The following DLG2 variants were observed in gnomAD, a reference collection of about 807,000 sequenced individuals.
DLG2 encodes the protein discs large MAGUK scaffold protein 2, also known as disks large homolog 2.
Under a neutral mutation model 132.5 loss-of-function variants are expected in DLG2, and 45 were observed. That is an observed-to-expected ratio of 0.34 (90% CI 0.27 to 0.44). DLG2 has a LOEUF of 0.44. Ranked by LOEUF, DLG2 falls within the 20% of genes least tolerant of loss-of-function variation. The pLI is 1.00. For synonymous variants in DLG2, 424 were observed against 419.6 expected, an observed-to-expected ratio of 1.01 and a Z score of -0.13; for missense variants, 1,045 against 1,196.9, an observed-to-expected ratio of 0.87 and a Z score of 1.87.
At chr11:84,203,399 A>C (rs770272926) in intron 8 of DLG2, among the ~76,000 whole-genome samples, 1 of 151,928 alleles carries the variant, frequency 6.6e-6, no homozygotes, top group Non-Finnish European at 1.5e-5. Context: ...TGGCTAACAC[A>C]GTGAAACCCC....
In DLG2 at chr11:83,804,458, T is replaced by A. The variant is rs145688769; in HGVS notation, c.1723-17666A>T. On this transcript the variant is annotated intron_variant, in intron 17 of 27. Coordinates refer to ENST00000376104, the MANE Select transcript of DLG2 (RefSeq NM_001142699.3). ...GAAAAATTTCAAATTATAGAAAACT[T>A]GAAGAACATTATAATAAAAACTCAT... 6.1e-3 allele frequency among the ~76,000 whole-genome samples: 930 copies of A among 152,116 alleles called. 8 individuals carry two copies. Among genetic ancestry groups the A allele is most frequent in the Middle Eastern group, 0.02 (6 of 294 alleles).
At chr11:84,331,441 CAAAA>C (rs71465960) in intron 7 of DLG2, among the ~76,000 whole-genome samples, 11 of 119,768 alleles carry the variant, frequency 9.2e-5, no homozygotes, top group South Asian at 2.7e-4. Flanking sequence ...TTACTTATCT[CAAAA>C]AAAAAAAAAA....
intron 4 of DLG2, among the ~76,000 whole-genome samples, chr11:85,264,467 G>T (rs962357099): frequency 6.6e-6 from 1 of 152,132 alleles, no homozygotes; most frequent in Non-Finnish European, 1.5e-5. Context: ...GAACTAAGAT[G>T]GGGTGAAGTC....
In DLG2 at chr11:83,602,169, T is replaced by C. The variant is rs553709810; in HGVS notation, c.1940+31042A>G. On this transcript the variant is annotated intron_variant, in intron 19 of 27. Transcript: ENST00000376104. ...GAAATGAGCGAGTCTTTCTGCTTTC[T>C]GATTTCAATTAATTTTCTTACAAAC... 2.0e-5 allele frequency among the ~76,000 whole-genome samples: 3 copies of C among 152,370 alleles called. No individual in the cohort carries two copies. In the South Asian group the frequency reaches 6.2e-4, roughly 32 times the overall value.
chr11:85,195,967 C>A (rs2152541187), intron 4 of DLG2, among the ~76,000 whole-genome samples: 1 of 152,260 alleles, frequency 6.6e-6, no homozygotes, highest in South Asian at 2.1e-4. Context: ...AAGTATCATT[C>A]ATTATTTTAG....
intron 3 of DLG2, among the ~76,000 whole-genome samples, chr11:85,403,272 CAT>C (rs2088363595): frequency 6.6e-6 from 1 of 152,008 alleles, no homozygotes; most frequent in African/African-American, 2.4e-5. Flanking sequence ...TATTCACACT[CAT>C]AGGTGGAGTT....
intron 10 of DLG2, among the ~76,000 whole-genome samples, chr11:84,092,943 G>A (rs2097114168): frequency 6.6e-6 from 1 of 150,900 alleles, no homozygotes; most frequent in Non-Finnish European, 1.5e-5. Context: ...GGCTGAGGCA[G>A]AAGAATCGCT....
At chr11:84,676,853 G>C (rs1284509384) in intron 6 of DLG2, among the ~76,000 whole-genome samples, 2 of 152,014 alleles carry the variant, frequency 1.3e-5, no homozygotes, top group African/African-American at 4.8e-5. Context: ...GATACTTGAA[G>C]TGTAGGAGTA....
chr11:84,063,766 T>C (rs545107666), intron 10 of DLG2, among the ~76,000 whole-genome samples: 137 of 152,238 alleles, frequency 9.0e-4, no homozygotes, highest in African/African-American at 2.8e-3. Flanking sequence ...ATATACACCA[T>C]GGAATACTGT....
intron 7 of DLG2, among the ~76,000 whole-genome samples, chr11:84,364,200 T>C (rs1481650371): frequency 6.6e-6 from 1 of 151,904 alleles, no homozygotes; most frequent in African/African-American, 2.4e-5. Flanking sequence ...AAGTGGTTTG[T>C]AGTTCTCCTT....
At position 84,699,798 on chromosome 11, in the gene DLG2, G is replaced by A. The variant is rs187968762; in HGVS notation, c.358-165067C>T. On this transcript the variant is annotated intron_variant, in intron 6 of 27. Transcript: ENST00000376104. The stretch of plus-strand genomic sequence containing the variant: ...TTGCTTTGAGGTAATTGGAAAAAGA[G>A]CTTCATATAGGATAGCTTCCAGAAT... Among the ~76,000 whole-genome samples the A allele has an allele frequency of 8.4e-3, 1,274 of 151,670 alleles. 8 individuals are homozygous for A. Among genetic ancestry groups the A allele is most frequent in the Non-Finnish European group, 0.01 (682 of 67,704 alleles).
At chr11:85,217,986 A>G (rs1354757210) in intron 4 of DLG2, among the ~76,000 whole-genome samples, 1 of 152,152 alleles carries the variant, frequency 6.6e-6, no homozygotes, top group Non-Finnish European at 1.5e-5. Flanking sequence ...GTCAAGCTTC[A>G]GTTTTCAGCA....
At chr11:84,460,972 T>C (rs1365592581) in intron 7 of DLG2, among the ~76,000 whole-genome samples, 1 of 150,828 alleles carries the variant, frequency 6.6e-6, no homozygotes, top group Non-Finnish European at 1.5e-5. Flanking sequence ...TGCATATGTG[T>C]AACATACTTT....
intron 6 of DLG2, among the ~76,000 whole-genome samples, chr11:84,601,506 T>C (rs2099576454): frequency 6.6e-6 from 1 of 151,988 alleles, no homozygotes; most frequent in African/African-American, 2.4e-5. Flanking sequence ...TTTGCATAAA[T>C]ATGTTGAAGA....
chr11:83,851,775 C>T (rs1047452030), intron 16 of DLG2, among the ~76,000 whole-genome samples: 13 of 151,812 alleles, frequency 8.6e-5, no homozygotes, highest in Admixed American at 6.6e-5. Flanking sequence ...CAAAAATTAG[C>T]CGGGCATGGT....
At chr11:84,018,817 A>G (rs567160039) in intron 11 of DLG2, among the ~76,000 whole-genome samples, 28 of 152,164 alleles carry the variant, frequency 1.8e-4, no homozygotes, top group African/African-American at 6.0e-4. Context: ...GAATTCAACA[A>G]ATTAAAGAAG....
intron 4 of DLG2, among the ~76,000 whole-genome samples, chr11:85,245,325 C>T (rs923121482): frequency 4.6e-5 from 7 of 151,978 alleles, no homozygotes; most frequent in Non-Finnish European, 8.8e-5. Context: ...GCTCTGCTTA[C>T]AGCCTCCTTC....
At chr11:84,421,754 T>C (rs1318981126) in intron 7 of DLG2, among the ~76,000 whole-genome samples, 1 of 152,188 alleles carries the variant, frequency 6.6e-6, no homozygotes, top group Non-Finnish European at 1.5e-5. Context: ...TCCCATTCCC[T>C]TGTGTACCTG....
chr11:85,592,802 A>C (rs1023807368), intron 3 of DLG2, among the ~76,000 whole-genome samples: 1 of 152,094 alleles, frequency 6.6e-6, no homozygotes, highest in South Asian at 2.1e-4. Flanking sequence ...AAAATTCAAA[A>C]ATTAGCCAGG....
Sources: gnomAD v4.1 joint callset for allele counts (sites outside exome capture counted in the v4.1 genomes callset) on GRCh38, gnomAD v4.1.1 for gene constraint, MANE v1.5 for transcripts, NCBI Gene and HGNC (gene_info 2026-07-23, HGNC 2026-07-21) for gene names.